The following PLEKHM3 variants were observed in gnomAD, a reference collection of about 807,000 sequenced individuals.
PLEKHM3 encodes pleckstrin homology domain-containing family M member 3.
PLEKHM3 carries 45 observed loss-of-function variants against 81.8 expected under a neutral mutation model. The observed-to-expected ratio is 0.55, with a 90% CI of 0.43 to 0.71. The LOEUF (loss-of-function observed/expected upper bound fraction) is 0.71. PLEKHM3 is among the 30% of genes least tolerant of loss of function. PLEKHM3 has a pLI of 0.00. For synonymous variants in PLEKHM3, 352 were observed against 356.4 expected, an observed-to-expected ratio of 0.99 and a Z score of 0.14; for missense variants, 788 against 924.3, an observed-to-expected ratio of 0.85 and a Z score of 1.91.
At chr2:207,989,414 A>T (rs1416736427) in intron 2 of PLEKHM3, among the ~76,000 whole-genome samples, 1 of 152,232 alleles carries the variant, frequency 6.6e-6, no homozygotes, top group Non-Finnish European at 1.5e-5. Context: ...ATTGATATTC[A>T]GAGACGGCAG....
At position 207,825,971 on chromosome 2, in the gene PLEKHM3, C is replaced by T. The variant is rs904919983; in HGVS notation, c.*2348G>A. 1 of 152,132 alleles carries T rather than the reference C, an allele frequency of 6.6e-6. No homozygotes were observed. The highest frequency in any genetic ancestry group is 6.5e-5 in the Admixed American group (1 of 15,278). The allele number at this position is 152,132 out of a possible 1,614,324, so 9.4% of individuals were successfully genotyped here. A position where few individuals can be genotyped will look rare whatever the true frequency, so the allele number is the denominator to read the frequency against. On this transcript the variant is annotated 3_prime_UTR_variant, in exon 8 of 8. Coordinates refer to ENST00000427836, the MANE Select transcript of PLEKHM3 (RefSeq NM_001080475.3). ...GATCCAGAATTTCGCCCTTGACTCT[C>T]GGCAGGTATGACCCTGGGTGCCTGT...
At chr2:207,852,792 A>G (rs775496579) in intron 7 of PLEKHM3, 2 of 446,880 alleles carry the variant, frequency 4.5e-6, no homozygotes, top group East Asian at 1.4e-4. Context: ...CCTCAGCATC[A>G]GGCCACATAT....
intron 5 of PLEKHM3, among the ~76,000 whole-genome samples, chr2:207,915,436 G>A (rs1688955169): frequency 6.6e-6 from 1 of 152,056 alleles, no homozygotes; most frequent in East Asian, 1.9e-4. Context: ...GTTCAACTCA[G>A]CTCCCACCAA....
At chr2:207,970,322 C>T (rs1048476112) in intron 3 of PLEKHM3, among the ~76,000 whole-genome samples, 3 of 151,412 alleles carry the variant, frequency 2.0e-5, no homozygotes, top group African/African-American at 4.9e-5. Flanking sequence ...GAGGAAAATG[C>T]CCCCCCACCC....
At chr2:207,879,106 C>T (rs1344100934) in intron 6 of PLEKHM3, among the ~76,000 whole-genome samples, 3 of 152,118 alleles carry the variant, frequency 2.0e-5, no homozygotes, top group Non-Finnish European at 2.9e-5. Context: ...TATTTCATTC[C>T]AATTCTCTCT....
At position 207,946,506 on chromosome 2, in the gene PLEKHM3, T is replaced by C. The variant is rs781068888; in HGVS notation, c.1553A>G (p.Gln518Arg). 1 of 1,613,872 alleles carries C rather than the reference T, an allele frequency of 6.2e-7. No homozygotes were observed. Among genetic ancestry groups the C allele is most frequent in the Non-Finnish European group, 8.5e-7 (1 of 1,179,848 alleles). Reference protein sequence around the residue: ...TAQSFKCAGCQRSIGLSNGKA... With the variant: ...TAQSFKCAGCRRSIGLSNGKA... ...CCCATTGGAAAGACCTATGGATCGC[T>C]GGCAGCCTGTTCAAGGAAAAAGGAA... Residue 518 changes from glutamine (Q) to arginine (R), a missense_variant, in exon 4 of 8, where the codon CAG becomes CGG. Gln to Arg is a conservative substitution (Grantham distance 43, BLOSUM62 1). Coordinates refer to ENST00000427836, the MANE Select transcript of PLEKHM3 (RefSeq NM_001080475.3).
At chr2:207,869,600 C>A (rs1342105111) in intron 6 of PLEKHM3, among the ~76,000 whole-genome samples, 1 of 152,070 alleles carries the variant, frequency 6.6e-6, no homozygotes, top group African/African-American at 2.4e-5. Flanking sequence ...TCATTTGTAA[C>A]AAAATTAGGT....
intron 5 of PLEKHM3, among the ~76,000 whole-genome samples, chr2:207,916,560 T>C (rs1167429470): frequency 1.3e-5 from 2 of 152,050 alleles, no homozygotes; most frequent in South Asian, 2.1e-4. Context: ...GCCAACATGG[T>C]TGAAACTCCA....
In PLEKHM3 at chr2:207,958,369, C is replaced by T. The variant is rs1279852145; in HGVS notation, c.1547-11857G>A. On this transcript the variant is annotated intron_variant, in intron 3 of 7. Transcript: ENST00000427836. ...TTGAAAAACAAGTGCATAAACAGGG[C>T]TCAGCTGAGCTGATGATTTCAGACA... is the stretch of plus-strand genomic sequence containing the variant. 2.6e-5 allele frequency among the ~76,000 whole-genome samples: 4 copies of T among 152,254 alleles called. No individual in the cohort carries two copies. In the East Asian group the frequency reaches 7.7e-4, roughly 29 times the overall value.
intron 3 of PLEKHM3, 26 bp from the exon 4 acceptor site, chr2:207,946,538 A>G: frequency 6.2e-7 from 1 of 1,611,180 alleles, no homozygotes; most frequent in Non-Finnish European, 8.5e-7. Context: ...GGAAGAGTCT[A>G]TGATTGCTGT....
chr2:207,828,862 G>A (rs2092268306), intron 7 of PLEKHM3, among the ~76,000 whole-genome samples: 2 of 152,134 alleles, frequency 1.3e-5, no homozygotes, highest in Admixed American at 6.6e-5. Flanking sequence ...GGAGTGCCTC[G>A]TGAAAACGCT....
At chr2:207,938,397 C>T (rs957790028) in intron 4 of PLEKHM3, among the ~76,000 whole-genome samples, 5 of 152,128 alleles carry the variant, frequency 3.3e-5, no homozygotes, top group Admixed American at 2.0e-4. Context: ...CCAGGAAATG[C>T]TTAAGATGAC....
At position 207,828,325 on chromosome 2, in the gene PLEKHM3, G is replaced by A. The variant is rs2092264586; in HGVS notation, c.2280C>T (p.Asn760=). The A allele has an allele frequency of 1.9e-6, 3 of 1,609,662 alleles. No homozygotes were observed. Among genetic ancestry groups the A allele is most frequent in the African/African-American group, 2.7e-5 (2 of 74,772 alleles). The change falls in exon 8 of 8, where the codon AAC becomes AAT. Residue 760 remains asparagine (N), a synonymous_variant. Coordinates refer to ENST00000427836, the MANE Select transcript of PLEKHM3 (RefSeq NM_001080475.3). ...GCCTTCGGGTCGGCTGGAGTCAGGTGTTCTGGTAGGACAGCTCGAACATGG... is the reference window on the plus strand; with the variant it reads ...GCCTTCGGGTCGGCTGGAGTCAGGTATTCTGGTAGGACAGCTCGAACATGG... ...ACTMFELSYQ[N]T
chr2:207,827,993 A>G lies in PLEKHM3; in HGVS notation c.*326T>C. Reference sequence around the variant, plus strand: ...ATAAAATGTACCGAGAGACAGAGAGAAAAAAAAAGTCTGAACTATAAAGCA... The same window carrying G: ...ATAAAATGTACCGAGAGACAGAGAGGAAAAAAAAGTCTGAACTATAAAGCA... On this transcript the variant is annotated 3_prime_UTR_variant, in exon 8 of 8. Coordinates refer to ENST00000427836, the MANE Select transcript of PLEKHM3 (RefSeq NM_001080475.3). The G allele has an allele frequency of 6.0e-6, 1 of 165,900 alleles. No homozygotes were observed. Among genetic ancestry groups the G allele is most frequent in the Non-Finnish European group, 1.3e-5 (1 of 77,872 alleles). 10.3% of individuals were successfully genotyped at this position (165,900 alleles called of 1,614,324 possible). A position where few individuals can be genotyped will look rare whatever the true frequency, so the allele number is the denominator to read the frequency against.
intron 2 of PLEKHM3, among the ~76,000 whole-genome samples, chr2:207,994,910 C>G (rs951830987): frequency 1.3e-5 from 2 of 152,154 alleles, no homozygotes; most frequent in Admixed American, 6.6e-5. Flanking sequence ...CTAGGTCTGT[C>G]TCTCCATAAG....
intron 3 of PLEKHM3, among the ~76,000 whole-genome samples, chr2:207,958,738 C>T (rs747794080): frequency 6.6e-5 from 10 of 151,718 alleles, no homozygotes; most frequent in Non-Finnish European, 1.0e-4. Flanking sequence ...GATGAAATCC[C>T]GTCTCTACTA....
At chr2:207,903,873 G>A (rs187148193) in intron 6 of PLEKHM3, among the ~76,000 whole-genome samples, 192 of 152,328 alleles carry the variant, frequency 1.3e-3, no homozygotes, top group Non-Finnish European at 2.2e-3. Flanking sequence ...TACAAGTCTT[G>A]CCATCTCAGG....
At chr2:207,849,314 A>C (rs1331835994) in intron 7 of PLEKHM3, among the ~76,000 whole-genome samples, 3 of 152,124 alleles carry the variant, frequency 2.0e-5, no homozygotes, top group African/African-American at 7.2e-5. Flanking sequence ...AGCCTGGGCC[A>C]CAGAGCGAGA....
chr2:208,011,376 G>GAT (rs1692686627), intron 1 of PLEKHM3, among the ~76,000 whole-genome samples: 1 of 151,930 alleles, frequency 6.6e-6, no homozygotes, highest in African/African-American at 2.4e-5. Context: ...GAAACTGTGA[G>GAT]ATATATATAT....
Sources: allele counts gnomAD v4.1 joint callset (sites outside exome capture counted in the v4.1 genomes callset), GRCh38; gene constraint gnomAD v4.1.1; transcripts MANE v1.5; gene names NCBI Gene and HGNC (gene_info 2026-07-23, HGNC 2026-07-21).